Variants in VIPR1 observed in about 807,000 individuals in gnomAD.
The protein encoded by VIPR1 is vasoactive intestinal polypeptide receptor 1.
Under a neutral mutation model 58.8 loss-of-function variants are expected in VIPR1, and 59 were observed. The ratio of observed to expected loss-of-function variants is 1.00; its 90% CI spans 0.81 to 1.25. VIPR1 has a LOEUF of 1.25. VIPR1 is among the 50% of genes most tolerant of loss of function. The pLI is 0.00. For synonymous variants in VIPR1, 251 were observed against 242.1 expected (o/e 1.04, Z -0.34); for missense variants, 626 against 602.7 (o/e 1.04, Z -0.40).
intron 5 of VIPR1, 123 bp from the exon 6 acceptor site, chr3:42,527,868 G>A (rs902206872): frequency 6.1e-5 from 83 of 1,368,032 alleles, no homozygotes; most frequent in South Asian, 5.4e-4. Context: ...CCTTTGAGGC[G>A]GGGCCTGCCC....
At chr3:42,517,229 C>T (rs532275047) in intron 2 of VIPR1, among the ~76,000 whole-genome samples, 8 of 152,326 alleles carry the variant, frequency 5.3e-5, no homozygotes, top group Non-Finnish European at 1.0e-4. Flanking sequence ...CACACAGTCC[C>T]GAGGCTCTTC....
At chr3:42,512,508 C>T (rs746544) in intron 1 of VIPR1, among the ~76,000 whole-genome samples, 50,454 of 152,030 alleles carry the variant, frequency 0.33, 10,038 homozygotes, top group Non-Finnish European at 0.43. Context: ...CAGGAGGGAC[C>T]CCCTTAAAGG....
intron 1 of VIPR1, chr3:42,492,533 G>A (rs1699683335): frequency 6.6e-6 from 1 of 152,562 alleles, no homozygotes; most frequent in Non-Finnish European, 1.5e-5. Context: ...GAATGGAGGT[G>A]AGGACCTGGG....
In VIPR1 at chr3:42,513,846, A is replaced by T; in HGVS notation, c.176A>T (p.Glu59Val). The T allele has an allele frequency of 1.9e-6, 3 of 1,551,596 alleles. No homozygotes were observed. Among genetic ancestry groups the T allele is most frequent in the Non-Finnish European group, 2.6e-6 (3 of 1,146,914 alleles). Residue 59 changes from glutamate (E) to valine (V), a missense_variant, in exon 2 of 13, where the codon GAG (glutamate) becomes GTG (valine). By Grantham distance (121) the Glu-to-Val change is moderately radical (BLOSUM62 -2). Coordinates refer to ENST00000325123, the MANE Select transcript of VIPR1 (RefSeq NM_004624.4). ...CTGGAGGAGGCCCAGCTGGAGAATG[A>T]GACAATAGGTGAGGCCCCCATGGGC... Reference protein sequence around the residue: ...QCLEEAQLENETIGCSKMWDN... With the variant: ...QCLEEAQLENVTIGCSKMWDN...
intron 2 of VIPR1, among the ~76,000 whole-genome samples, chr3:42,515,530 A>G (rs1383412029): frequency 6.6e-6 from 1 of 152,234 alleles, no homozygotes; most frequent in Non-Finnish European, 1.5e-5. Flanking sequence ...GCCTGGGGAC[A>G]GGCCACCCTC....
chr3:42,531,160 G>A, intron 7 of VIPR1: 2 of 631,762 alleles, frequency 3.2e-6, no homozygotes, highest in Non-Finnish European at 5.4e-6. Context: ...GACAGATTTT[G>A]TGAACATCTT....
rs201275637 is a variant in VIPR1, at chr3:42,531,788, C to T, written c.852-15C>T. ...TGAGGACAATCCCTCTCATTCCTCC[C>T]CACGGTCTGCTCAGGTGCTGGGACA... On this transcript the variant is annotated splice_polypyrimidine_tract_variant and intron_variant, in intron 8 of 12. Coordinates refer to ENST00000325123, the MANE Select transcript of VIPR1 (RefSeq NM_004624.4). 2 of 1,614,154 alleles carry T rather than the reference C, an allele frequency of 1.2e-6. No homozygotes were observed. The highest frequency in any genetic ancestry group is 4.5e-5 in the East Asian group (2 of 44,886).
At chr3:42,511,548 A>T (rs1700364588) in intron 1 of VIPR1, among the ~76,000 whole-genome samples, 1 of 152,170 alleles carries the variant, frequency 6.6e-6, no homozygotes, top group South Asian at 2.1e-4. Context: ...GAAGAGAGTA[A>T]AGGATGGTGG....
rs202040820 is a variant in VIPR1 at position 42,534,957 on chromosome 3, T to A, written c.1011-18T>A. ...TGTGGACACACATACCCATGGCCTG[T>A]CCCTCCCCTGTCTCCAGAAGGCTAG... On this transcript the variant is annotated intron_variant, in intron 10 of 12. Transcript: ENST00000325123. 676 of 1,613,808 alleles carry A rather than the reference T, an allele frequency of 4.2e-4. 5 individuals are homozygous for A. The highest frequency in any genetic ancestry group is 5.0e-4 in the Non-Finnish European group (587 of 1,179,908).
chr3:42,531,510 G>A lies in VIPR1; in HGVS notation c.830G>A (p.Arg277Lys). Residue 277 changes from arginine to lysine, a missense_variant, in exon 8 of 13, where the codon AGG becomes AAG. Arg to Lys is a conservative substitution (Grantham distance 26, BLOSUM62 2). Coordinates refer to ENST00000325123, the MANE Select transcript of VIPR1 (RefSeq NM_004624.4). The part of the protein sequence containing the change: ...STFTMVWTIA[R>K]IHFEDYGCWD... ...TTCACCATGGTGTGGACCATCGCCA[G>A]GATCCATTTTGAGGATTATGGGTGA... 1.3e-6 allele frequency: 2 copies of A among 1,596,140 alleles called. No individual in the cohort carries two copies. Among genetic ancestry groups the A allele is most frequent in the Non-Finnish European group, 1.7e-6 (2 of 1,170,644 alleles).
At chr3:42,511,697 A>T (rs969924156) in intron 1 of VIPR1, 11 of 152,244 alleles carry the variant, frequency 7.2e-5, no homozygotes, top group Non-Finnish European at 1.3e-4. Context: ...CTGGTGGGAG[A>T]TGGGGTTGGG....
At chr3:42,521,026 T>C (rs903721032) in intron 3 of VIPR1, among the ~76,000 whole-genome samples, 1 of 152,134 alleles carries the variant, frequency 6.6e-6, no homozygotes, top group Non-Finnish European at 1.5e-5. Context: ...GCCTGGAAAC[T>C]AGCCTTCTCT....
chr3:42,490,603 G>C (rs1699648406), intron 1 of VIPR1, among the ~76,000 whole-genome samples: 1 of 152,214 alleles, frequency 6.6e-6, no homozygotes, highest in African/African-American at 2.4e-5. Context: ...CAGAGGGGAG[G>C]AATGGGTGGG....
At chr3:42,518,342 A>G (rs1700736572) in intron 2 of VIPR1, among the ~76,000 whole-genome samples, 1 of 152,210 alleles carries the variant, frequency 6.6e-6, no homozygotes, top group Non-Finnish European at 1.5e-5. Flanking sequence ...AACATTGAAC[A>G]ACTCTTAGTG....
At chr3:42,494,348 T>C (rs1699721308) in intron 1 of VIPR1, among the ~76,000 whole-genome samples, 1 of 152,260 alleles carries the variant, frequency 6.6e-6, no homozygotes, top group African/African-American at 2.4e-5. Context: ...CCTCGTAGAA[T>C]ATGTTGGAAA....
At chr3:42,514,541 CCACACACACACACACACACA>C (rs111610459) in intron 2 of VIPR1, among the ~76,000 whole-genome samples, 1 of 144,080 alleles carries the variant, frequency 6.9e-6, no homozygotes, top group Non-Finnish European at 1.5e-5. Context: ...GATAGTGACA[CCACACACACACACACACACA>C]CACACACACA....
chr3:42,498,478 A>T (rs1699808050), upstream of VIPR1, among the ~76,000 whole-genome samples: 2 of 152,012 alleles, frequency 1.3e-5, no homozygotes, highest in Admixed American at 6.5e-5. Flanking sequence ...TCACACTCCT[A>T]ACTCCACCTT....
In VIPR1 at chr3:42,536,128, C is replaced by A; in HGVS notation, c.1221C>A (p.His407Gln). The change falls in exon 13 of 13, where the codon CAC (histidine) becomes CAA (glutamine). Residue 407 changes from histidine to glutamine, a missense_variant. Transcript: ENST00000325123. ...TGAGGCGGAAGTGGCGGCGCTGGCACCTGCAGGGCGTCCTGGGCTGGAACC... is the reference window on the plus strand; with the variant it reads ...TGAGGCGGAAGTGGCGGCGCTGGCAACTGCAGGGCGTCCTGGGCTGGAACC... ...AELRRKWRRW[H>Q]LQGVLGWNPK... 1 of 1,604,920 alleles carries A rather than the reference C, an allele frequency of 6.2e-7. No homozygotes were observed. Among genetic ancestry groups the A allele is most frequent in the Non-Finnish European group, 8.5e-7 (1 of 1,176,450 alleles).
At chr3:42,509,870 C>G (rs1336795691) in intron 1 of VIPR1, 2 of 152,334 alleles carry the variant, frequency 1.3e-5, no homozygotes, top group Admixed American at 6.5e-5. Flanking sequence ...TCTCTGTGCC[C>G]TCTCTTTATA....
Sources: allele counts gnomAD v4.1 joint callset (sites outside exome capture counted in the v4.1 genomes callset), GRCh38; gene constraint gnomAD v4.1.1; transcripts MANE v1.5; gene names NCBI Gene and HGNC (gene_info 2026-07-23, HGNC 2026-07-21).